The following CEP63 variants were observed in gnomAD, a reference collection of about 807,000 sequenced individuals.
The protein encoded by CEP63 is centrosomal protein of 63 kDa.
CEP63 carries 84 observed loss-of-function variants against 89.1 expected under a neutral mutation model. The observed-to-expected ratio is 0.94, with a 90% CI of 0.79 to 1.13. The LOEUF is 1.13. Ranked by LOEUF, CEP63 falls within the 50% of genes most tolerant of loss-of-function variation. The pLI is 0.00. For missense variants in CEP63, 838 were observed against 813.3 expected (o/e 1.03, Z -0.37); for synonymous variants, 267 against 272.5 (o/e 0.98, Z 0.20).
chr3:134,604,298 C>T, the CEP63 span: 13 of 1,613,966 alleles, frequency 8.1e-6, no homozygotes, highest in East Asian at 6.7e-5. Context: ...CTGTAGATGT[C>T]GGAGTTGCCC....
chr3:134,729,696 G>A, the CEP63 span, among the ~76,000 whole-genome samples: 2 of 152,232 alleles, frequency 1.3e-5, no homozygotes, highest in African/African-American at 4.8e-5. Context: ...AGGCATAGAA[G>A]TTTCAGAGAA....
the CEP63 span, among the ~76,000 whole-genome samples, chr3:134,731,491 AAC>A: frequency 9.8e-5 from 15 of 152,368 alleles, no homozygotes; most frequent in African/African-American, 3.6e-4. Flanking sequence ...GAAATTTAAA[AAC>A]ACACTTCTAA....
the CEP63 span, among the ~76,000 whole-genome samples, chr3:134,721,605 A>G: frequency 6.6e-6 from 1 of 152,136 alleles, no homozygotes; most frequent in Non-Finnish European, 1.5e-5. Context: ...TGTGGATTTA[A>G]AAAGAAATAA....
chr3:134,485,973 G>C (rs1336264400), upstream of CEP63: 1 of 961,182 alleles, frequency 1.0e-6, no homozygotes, highest in African/African-American at 2.0e-5. Context: ...CACCGCGGCA[G>C]ACGCTTGCTC....
chr3:134,672,843 G>A, the CEP63 span, among the ~76,000 whole-genome samples: 1 of 152,198 alleles, frequency 6.6e-6, no homozygotes, highest in East Asian at 1.9e-4. Flanking sequence ...CCATGTGGTA[G>A]CTCCCTCCCC....
intron 6 of CEP63, among the ~76,000 whole-genome samples, chr3:134,538,533 G>GTATATATATATATGTATATATA (rs1951282416): frequency 9.9e-6 from 1 of 101,370 alleles, no homozygotes; most frequent in Non-Finnish European, 2.1e-5. Context: ...GTGTGTGTGT[G>GTATATATATATATGTATATATA]TATATATATA....
chr3:134,522,011 A>G (rs1003297862), intron 3 of CEP63, among the ~76,000 whole-genome samples: 21 of 152,182 alleles, frequency 1.4e-4, no homozygotes, highest in African/African-American at 4.8e-4. Flanking sequence ...TTGCAAATCA[A>G]ACATGCACTC....
chr3:134,527,271 T>G (rs1948853277), intron 3 of CEP63, among the ~76,000 whole-genome samples: 2 of 152,192 alleles, frequency 1.3e-5, no homozygotes, highest in Non-Finnish European at 2.9e-5. Flanking sequence ...GGTGGTGGTG[T>G]TGGCTTGGGG....
chr3:134,673,366 G>A, the CEP63 span, among the ~76,000 whole-genome samples: 6 of 152,074 alleles, frequency 3.9e-5, no homozygotes, highest in South Asian at 4.2e-4. Flanking sequence ...CTCCAGTCCT[G>A]AAGTCCCACC....
At chr3:134,581,567 G>T (rs1470072033) in intron 10 of CEP63, among the ~76,000 whole-genome samples, 1 of 151,094 alleles carries the variant, frequency 6.6e-6, no homozygotes, top group Non-Finnish European at 1.5e-5. Context: ...GGCAACAAGA[G>T]CAAAACTCTG....
chr3:134,688,840 T>G, the CEP63 span, among the ~76,000 whole-genome samples: 2 of 152,238 alleles, frequency 1.3e-5, no homozygotes, highest in Non-Finnish European at 2.9e-5. Flanking sequence ...TGCTCTCCTC[T>G]GCAGCTGAAG....
At chr3:134,688,203 A>G in the CEP63 span, among the ~76,000 whole-genome samples, 1 of 152,228 alleles carries the variant, frequency 6.6e-6, no homozygotes, top group East Asian at 1.9e-4. Flanking sequence ...AAAATGTGGT[A>G]TATCCATACA....
At chr3:134,711,226 A>T in the CEP63 span, among the ~76,000 whole-genome samples, 1 of 152,162 alleles carries the variant, frequency 6.6e-6, no homozygotes, top group Non-Finnish European at 1.5e-5. Flanking sequence ...TCCAAAACTT[A>T]TTGCTTATTC....
At chr3:134,527,087 T>A (rs6763142) in intron 3 of CEP63, among the ~76,000 whole-genome samples, 2 of 152,282 alleles carry the variant, frequency 1.3e-5, no homozygotes, top group East Asian at 3.9e-4. Context: ...CTTGTTTACA[T>A]GTGCCAGCAG....
At chr3:134,712,707 C>T in the CEP63 span, among the ~76,000 whole-genome samples, 1 of 152,180 alleles carries the variant, frequency 6.6e-6, no homozygotes, top group Non-Finnish European at 1.5e-5. Context: ...TGGCATTTCT[C>T]ACTGGCTGCG....
chr3:134,625,133 A>G, the CEP63 span: 12 of 1,595,080 alleles, frequency 7.5e-6, no homozygotes, highest in African/African-American at 1.3e-4. Context: ...TCCCAGGGGT[A>G]GGCTGGAAAC....
At chr3:134,773,157 G>A in the CEP63 span, among the ~76,000 whole-genome samples, 8 of 152,166 alleles carry the variant, frequency 5.3e-5, no homozygotes, top group Admixed American at 5.2e-4. Context: ...GAGAATAATG[G>A]CATCTCCTTC....
the CEP63 span, among the ~76,000 whole-genome samples, chr3:134,595,296 G>C: frequency 6.6e-6 from 1 of 152,218 alleles, no homozygotes; most frequent in South Asian, 2.1e-4. Flanking sequence ...ATGAGAAGAA[G>C]TATGTGTTTT....
At position 134,486,225 on chromosome 3, in the gene CEP63, G is replaced by A. The variant is rs1003526390; in HGVS notation, c.-26+23G>A. ...GAGGTAACGGCGGGAAGGCTCAGGG[G>A]CGTGCTTGCGGCAACCCTGTAACCG... On this transcript the variant is annotated intron_variant, in intron 1 of 14. Transcript: ENST00000675561. 8.1e-6 allele frequency: 8 copies of A among 985,656 alleles called. No individual in the cohort carries two copies. The African/African-American group carries it at 1.4e-4, about 17-fold the overall frequency. 61.1% of individuals were successfully genotyped at this position (985,656 alleles called of 1,614,324 possible). A position where few individuals can be genotyped will look rare whatever the true frequency, so the allele number is the denominator to read the frequency against.
Sources: allele counts gnomAD v4.1 joint callset (sites outside exome capture counted in the v4.1 genomes callset), GRCh38; gene constraint gnomAD v4.1.1; transcripts MANE v1.5; gene names NCBI Gene and HGNC (gene_info 2026-07-23, HGNC 2026-07-21).